The following DNAJA2 variants were observed in gnomAD, a reference collection of about 807,000 sequenced individuals.
DNAJA2 encodes the protein dnaJ homolog subfamily A member 2.
DNAJA2 carries 6 observed loss-of-function variants against 49.3 expected under a neutral mutation model. The ratio of observed to expected loss-of-function variants is 0.12; its 90% CI spans 0.07 to 0.24. DNAJA2 has a LOEUF of 0.24. DNAJA2 is among the 10% of genes least tolerant of loss of function. The probability of loss-of-function intolerance (pLI) is 1.00; values close to 1 mark genes in which losing one functional copy is unlikely to be tolerated. For missense variants in DNAJA2, 347 were observed against 516.8 expected, an observed-to-expected ratio of 0.67 and a Z score of 3.19; for synonymous variants, 160 against 172.7, an observed-to-expected ratio of 0.93 and a Z score of 0.58.
At chr16:46,964,588 A>G (rs1265625348) in intron 6 of DNAJA2, 23 bp downstream of exon 6, 2 of 1,583,180 alleles carry the variant, frequency 1.3e-6, no homozygotes, top group African/African-American at 2.7e-5. Flanking sequence ...CAAAATACAA[A>G]AAACTAAAAA....
At chr16:46,961,230 AC>A (rs1212377542) in intron 6 of DNAJA2, among the ~76,000 whole-genome samples, 1 of 151,226 alleles carries the variant, frequency 6.6e-6, no homozygotes, top group African/African-American at 2.4e-5. Flanking sequence ...AAATACAAAA[AC>A]TAGCTGGGTG....
At position 46,973,587 on chromosome 16, in the gene DNAJA2, C is replaced by T; in HGVS notation, c.-15G>A. 2 of 1,590,030 alleles carry T rather than the reference C, an allele frequency of 1.3e-6. No homozygotes were observed. Among genetic ancestry groups the T allele is most frequent in the Non-Finnish European group, 8.5e-7 (1 of 1,174,072 alleles). The stretch of plus-strand genomic sequence containing the variant: ...ACGTTAGCCATGGCGGCCGGCCGGG[C>T]AGTGCTCGGGGAGAAGGTGGCGAAG... On this transcript the variant is annotated 5_prime_UTR_variant, in exon 1 of 9. Transcript: ENST00000317089.
At chr16:46,964,503 G>C (rs1961941622) in intron 6 of DNAJA2, 108 bp downstream of exon 6, 1 of 1,029,222 alleles carries the variant, frequency 9.7e-7, no homozygotes, top group Non-Finnish European at 1.4e-6. Context: ...AACTTCACCA[G>C]TGTTCAGTGT....
chr16:46,963,679 G>A (rs940732804), intron 6 of DNAJA2, among the ~76,000 whole-genome samples: 1 of 151,936 alleles, frequency 6.6e-6, no homozygotes, highest in Non-Finnish European at 1.5e-5. Flanking sequence ...CAGCCAGGGC[G>A]ACAGAGCAAG....
chr16:46,968,026 A>T, intron 4 of DNAJA2, 58 bp downstream of exon 4: 3 of 1,416,860 alleles, frequency 2.1e-6, no homozygotes, highest in Non-Finnish European at 2.9e-6. Flanking sequence ...ACAGACATTC[A>T]GTGTGATACT....
At chr16:46,964,852 G>A (rs772211805) in intron 5 of DNAJA2, 45 bp from the exon 6 acceptor site, 79 of 1,459,546 alleles carry the variant, frequency 5.4e-5, no homozygotes, top group Non-Finnish European at 7.4e-5. Context: ...GTACTATACT[G>A]TACTCTTAAT....
chr16:46,965,691 C>G (rs1213997212), intron 5 of DNAJA2, among the ~76,000 whole-genome samples: 2 of 151,588 alleles, frequency 1.3e-5, no homozygotes, highest in African/African-American at 2.4e-5. Context: ...ATCAGCCGGG[C>G]GTGGTGGCAG....
intron 3 of DNAJA2, among the ~76,000 whole-genome samples, chr16:46,968,620 T>A (rs1962006562): frequency 6.6e-6 from 1 of 152,044 alleles, no homozygotes; most frequent in African/African-American, 2.4e-5. Flanking sequence ...GGCTCCAGAG[T>A]CCCTGTTTCC....
At position 46,967,508 on chromosome 16, in the gene DNAJA2, C is replaced by T; in HGVS notation, c.577+5G>A. The T allele has an allele frequency of 6.2e-7, 1 of 1,614,086 alleles. No homozygotes were observed. The highest frequency in any genetic ancestry group is 8.5e-7 in the Non-Finnish European group (1 of 1,179,988). ...ATAAAAGCAGAGAAGTACTGGCACA[C>T]ATACCTTCTCCATTACAATCAGAGC... is the stretch of plus-strand genomic sequence containing the variant. On this transcript the variant is annotated splice_donor_5th_base_variant and intron_variant, in intron 5 of 8. Coordinates refer to ENST00000317089, the MANE Select transcript of DNAJA2 (RefSeq NM_005880.4).
At chr16:46,966,179 C>A (rs990559223) in intron 5 of DNAJA2, among the ~76,000 whole-genome samples, 1 of 151,978 alleles carries the variant, frequency 6.6e-6, no homozygotes, top group Non-Finnish European at 1.5e-5. Flanking sequence ...TGCGGTGAGC[C>A]GAGAGTGTGC....
chr16:46,971,173 G>A (rs1962042178), intron 3 of DNAJA2, among the ~76,000 whole-genome samples, 176 bp downstream of exon 3: 1 of 152,104 alleles, frequency 6.6e-6, no homozygotes, highest in Non-Finnish European at 1.5e-5. Context: ...AAGAGCTACA[G>A]CGAAATAGAA....
intron 5 of DNAJA2, 66 bp downstream of exon 5, chr16:46,967,447 A>C (rs1367582982): frequency 8.2e-6 from 13 of 1,594,358 alleles, no homozygotes; most frequent in Non-Finnish European, 9.4e-6. Context: ...AAAATTGTAA[A>C]CCTCTCCAAT....
At chr16:46,965,771 C>G (rs1472901021) in intron 5 of DNAJA2, among the ~76,000 whole-genome samples, 2 of 148,004 alleles carry the variant, frequency 1.4e-5, no homozygotes, top group Non-Finnish European at 3.0e-5. Flanking sequence ...GCAGAGGCTT[C>G]GGTGAGCTGA....
Position 46,957,126 on chromosome 16 carries a change from C to A in DNAJA2, c.1142G>T (p.Gly381Val). The change falls in exon 9 of 9, where the codon GGC (glycine) becomes GTC (valine). Residue 381 changes from glycine to valine, a missense_variant. Coordinates refer to ENST00000317089, the MANE Select transcript of DNAJA2 (RefSeq NM_005880.4). ...TTCACGCCTCTGACCACCTCCTGAGCCTCGAGTGCTATCAAATTCCTGAAG... is the reference window on the plus strand; with the variant it reads ...TTCACGCCTCTGACCACCTCCTGAGACTCGAGTGCTATCAAATTCCTGAAG... Reference protein sequence around the residue: ...VELQEFDSTRGSGGGQRREAY... With the variant: ...VELQEFDSTRVSGGGQRREAY... 6.2e-7 allele frequency: 1 copy of A among 1,614,180 alleles called. No homozygotes were observed. The highest frequency in any genetic ancestry group is 1.6e-4 in the Middle Eastern group (1 of 6,062).
At position 46,956,912 on chromosome 16, in the gene DNAJA2, T is replaced by C. The variant is rs538659082; in HGVS notation, c.*117A>G. 1.8e-4 allele frequency: 208 copies of C among 1,139,266 alleles called. No homozygotes were observed. The highest frequency in any genetic ancestry group is 8.1e-4 in the Admixed American group (45 of 55,586). The allele number at this position is 1,139,266 out of a possible 1,614,324, so 70.6% of individuals were successfully genotyped here. ...CTATACCAATTTTAAAAGTTATACA[T>C]AGACCAACAGATGTCCCTCAGTTCA... On this transcript the variant is annotated 3_prime_UTR_variant, in exon 9 of 9. Coordinates refer to ENST00000317089, the MANE Select transcript of DNAJA2 (RefSeq NM_005880.4).
At chr16:46,966,962 G>T (rs555264706) in intron 5 of DNAJA2, among the ~76,000 whole-genome samples, 1 of 152,064 alleles carries the variant, frequency 6.6e-6, no homozygotes, top group African/African-American at 2.4e-5. Flanking sequence ...AATAGCAAAG[G>T]GACAAATAAT....
Position 46,956,760 on chromosome 16 carries a change from G to T in DNAJA2, c.*269C>A. The T allele has an allele frequency of 3.0e-6, 1 of 336,936 alleles. No homozygotes were observed. The highest frequency in any genetic ancestry group is 5.4e-6 in the Non-Finnish European group (1 of 184,702). The allele number at this position is 336,936 out of a possible 1,614,324, so 20.9% of individuals were successfully genotyped here. On this transcript the variant is annotated 3_prime_UTR_variant, in exon 9 of 9. Coordinates refer to ENST00000317089, the MANE Select transcript of DNAJA2 (RefSeq NM_005880.4). Reference sequence around the variant, plus strand: ...AAAATCAAGCACAGATACCAGGATTGAAACTTATAATAATCCATGTGTGAA... The same window carrying T: ...AAAATCAAGCACAGATACCAGGATTTAAACTTATAATAATCCATGTGTGAA...
At chr16:46,961,391 CAAAAAT>C (rs1567352974) in intron 6 of DNAJA2, among the ~76,000 whole-genome samples, 1 of 151,376 alleles carries the variant, frequency 6.6e-6, no homozygotes, top group East Asian at 1.9e-4. Context: ...AAAATAAAAA[CAAAAAT>C]AAAAAGTGGG....
intron 8 of DNAJA2, chr16:46,958,754 G>C (rs1333409092): frequency 5.6e-6 from 2 of 357,328 alleles, no homozygotes; most frequent in Admixed American, 8.5e-5. Flanking sequence ...ACTCCAGCTT[G>C]GGTGACACAG....
Sources: allele counts gnomAD v4.1 joint callset (sites outside exome capture counted in the v4.1 genomes callset), GRCh38; gene constraint gnomAD v4.1.1; transcripts MANE v1.5; gene names NCBI Gene and HGNC (gene_info 2026-07-23, HGNC 2026-07-21).